DYNC1I1: variants seen among roughly 807,000 people sequenced by gnomAD.
DYNC1I1 encodes the protein cytoplasmic dynein 1 intermediate chain 1.
In DYNC1I1, 43 loss-of-function variants were observed where a neutral mutation model predicts 86.6. The ratio of observed to expected loss-of-function variants is 0.50; its 90% confidence interval spans 0.39 to 0.64. DYNC1I1 has a LOEUF of 0.64. Ranked by LOEUF, DYNC1I1 falls within the 30% of genes least tolerant of loss-of-function variation. The pLI, the probability that DYNC1I1 is intolerant of heterozygous loss-of-function variation, is 0.00. For missense variants in DYNC1I1, 604 were observed against 788.8 expected (o/e 0.77, Z 2.81); for synonymous variants, 262 against 283.7 (o/e 0.92, Z 0.77).
chr7:95,953,981 G>A (rs1792629984), intron 6 of DYNC1I1, among the ~76,000 whole-genome samples: 1 of 152,024 alleles, frequency 6.6e-6, no homozygotes. Context: ...CATTAATATG[G>A]GCTGCTACAA....
At chr7:96,066,278 T>G (rs887131937) in intron 14 of DYNC1I1, among the ~76,000 whole-genome samples, 4 of 152,122 alleles carry the variant, frequency 2.6e-5, no homozygotes, top group Non-Finnish European at 4.4e-5. Context: ...TCAAGGCAGG[T>G]TCCCTCACCT....
chr7:96,010,940 C>T (rs921106856), intron 10 of DYNC1I1, among the ~76,000 whole-genome samples: 1 of 152,186 alleles, frequency 6.6e-6, no homozygotes, highest in African/African-American at 2.4e-5. Flanking sequence ...AGCTTAGCTA[C>T]AGCCATTATC....
chr7:96,105,228 G>T (rs1190832967), intron 16 of DYNC1I1, among the ~76,000 whole-genome samples: 2 of 151,502 alleles, frequency 1.3e-5, no homozygotes, highest in African/African-American at 2.4e-5. Context: ...AGATATAATT[G>T]CTTACTACAT....
At chr7:95,872,358 A>T (rs12530866) in intron 6 of DYNC1I1, among the ~76,000 whole-genome samples, 32,269 of 152,152 alleles carry the variant, frequency 0.21, 4,032 homozygotes, top group African/African-American at 0.34. Flanking sequence ...GTAAGAAGGC[A>T]TGCTGATTAT....
chr7:95,995,087 A>G (rs1793827417), intron 9 of DYNC1I1, among the ~76,000 whole-genome samples: 1 of 151,958 alleles, frequency 6.6e-6, no homozygotes, highest in Non-Finnish European at 1.5e-5. Context: ...CTCTACTAAA[A>G]ATACAAAAAA....
chr7:95,818,547 C>T (rs1444535680), intron 4 of DYNC1I1: 2 of 666,916 alleles, frequency 3.0e-6, no homozygotes, highest in Non-Finnish European at 5.5e-6. Flanking sequence ...CTTCTGGCCT[C>T]AAATGATTCT....
rs377010996 is a variant in DYNC1I1 at position 95,869,878 on chromosome 7, T to C, written c.375-5T>C. ...CTCTAAGCATTTATTCTTTGTTACT[T>C]ACAGAAGAAGACTGCATAAACTGGG... On this transcript the variant is annotated splice_region_variant and splice_polypyrimidine_tract_variant and intron_variant, in intron 5 of 16. Coordinates refer to ENST00000447467, the MANE Select transcript of DYNC1I1 (RefSeq NM_001135556.2). The C allele has an allele frequency of 6.2e-6, 10 of 1,612,408 alleles. No individual in the cohort carries two copies. The highest frequency in any genetic ancestry group is 8.5e-6 in the Non-Finnish European group (10 of 1,179,434).
chr7:95,809,064 G>C (rs1299564325), intron 2 of DYNC1I1, among the ~76,000 whole-genome samples: 1 of 152,160 alleles, frequency 6.6e-6, no homozygotes, highest in African/African-American at 2.4e-5. Context: ...GTTATGCAGA[G>C]TGTCTGACTC....
Position 95,996,029 on chromosome 7 carries a change from A to T in DYNC1I1, c.925A>T (p.Met309Leu). 1 of 1,614,030 alleles carries T rather than the reference A, an allele frequency of 6.2e-7. No homozygotes were observed. Among genetic ancestry groups the T allele is most frequent in the Non-Finnish European group, 8.5e-7 (1 of 1,179,946 alleles). The change falls in exon 10 of 17, where the codon ATG becomes TTG. Residue 309 changes from methionine (M) to leucine (L), a missense_variant. Coordinates refer to ENST00000447467, the MANE Select transcript of DYNC1I1 (RefSeq NM_001135556.2). Reference sequence around the variant, plus strand: ...AGATGGAGTGGCCTTGGTTTGGAACATGAAGTTTAAGAAAACCACACCAGA... The same window carrying T: ...AGATGGAGTGGCCTTGGTTTGGAACTTGAAGTTTAAGAAAACCACACCAGA... Reference protein sequence around the residue: ...EPDGVALVWNMKFKKTTPEYV... With the variant: ...EPDGVALVWNLKFKKTTPEYV...
At chr7:95,939,944 C>A (rs1166239061) in intron 6 of DYNC1I1, among the ~76,000 whole-genome samples, 1 of 152,128 alleles carries the variant, frequency 6.6e-6, no homozygotes, top group Non-Finnish European at 1.5e-5. Context: ...ACCAATTGTT[C>A]CTTTCCATGT....
intron 5 of DYNC1I1, among the ~76,000 whole-genome samples, chr7:95,832,350 T>A (rs1423874914): frequency 1.3e-5 from 2 of 151,740 alleles, no homozygotes; most frequent in East Asian, 1.9e-4. Flanking sequence ...TGCCACATTT[T>A]CTTAATCCAG....
At chr7:96,025,993 C>T (rs1415761735) in intron 10 of DYNC1I1, among the ~76,000 whole-genome samples, 1 of 152,088 alleles carries the variant, frequency 6.6e-6, no homozygotes, top group Non-Finnish European at 1.5e-5. Context: ...AATTTTAAAT[C>T]TTTCTGAAGC....
At chr7:95,810,081 A>T (rs1222396916) in intron 2 of DYNC1I1, among the ~76,000 whole-genome samples, 1 of 151,732 alleles carries the variant, frequency 6.6e-6, no homozygotes, top group Admixed American at 6.6e-5. Flanking sequence ...AAGAGACAGA[A>T]TTTTTTTTTA....
At chr7:95,929,730 C>G (rs1181197298) in intron 6 of DYNC1I1, among the ~76,000 whole-genome samples, 4 of 152,198 alleles carry the variant, frequency 2.6e-5, no homozygotes, top group African/African-American at 9.6e-5. Flanking sequence ...AGTTATGCCC[C>G]TTATTAAATT....
chr7:95,923,952 G>A (rs186344205), intron 6 of DYNC1I1, among the ~76,000 whole-genome samples: 3 of 152,204 alleles, frequency 2.0e-5, no homozygotes, highest in African/African-American at 7.2e-5. Context: ...GAAGAATTTT[G>A]TATGTTCTTC....
chr7:95,886,027 C>G (rs1034115132), intron 6 of DYNC1I1, among the ~76,000 whole-genome samples: 1 of 152,198 alleles, frequency 6.6e-6, no homozygotes, highest in Non-Finnish European at 1.5e-5. Flanking sequence ...AATAGCATAG[C>G]AGCTATCCTT....
chr7:95,818,010 C>T (rs917688994), intron 4 of DYNC1I1, among the ~76,000 whole-genome samples: 1 of 152,074 alleles, frequency 6.6e-6, no homozygotes, highest in African/African-American at 2.4e-5. Flanking sequence ...ACAACCTGTC[C>T]CAAATGGAAG....
intron 10 of DYNC1I1, among the ~76,000 whole-genome samples, chr7:96,009,872 C>T (rs986599355): frequency 1.6e-4 from 24 of 151,760 alleles, no homozygotes; most frequent in African/African-American, 5.6e-4. Context: ...CTCCGCCTCT[C>T]GGGTTCAAGC....
chr7:96,081,079 A>AAAAAAAAAAAAAAAAAAAAAAAAAAG (rs375715304), intron 16 of DYNC1I1, among the ~76,000 whole-genome samples: 3 of 133,666 alleles, frequency 2.2e-5, no homozygotes, highest in African/African-American at 3.0e-5. Flanking sequence ...AAAAAAAAAG[A>AAAAAAAAAAAAAAAAAAAAAAAAAAG]AAAAGAAAAG....
Sources: gnomAD v4.1 joint callset for allele counts (sites outside exome capture counted in the v4.1 genomes callset) on GRCh38, gnomAD v4.1.1 for gene constraint, MANE v1.5 for transcripts, NCBI Gene and HGNC (gene_info 2026-07-23, HGNC 2026-07-21) for gene names.